Variants in ATP7B observed in about 807,000 individuals in gnomAD.
ATP7B encodes the protein copper-transporting ATPase 2.
In ATP7B, 113 loss-of-function variants were observed where a neutral mutation model predicts 118.9. That is an observed-to-expected ratio of 0.95 (90% CI 0.82 to 1.11). ATP7B has a LOEUF of 1.11. ATP7B is among the 50% of genes most tolerant of loss of function. ATP7B has a pLI of 0.00. For missense variants in ATP7B, 1,867 were observed against 1,871.4 expected, an observed-to-expected ratio of 1.00 and a Z score of 0.04; for synonymous variants, 777 against 727.4, an observed-to-expected ratio of 1.07 and a Z score of -1.10.
intron 5 of ATP7B, 160 bp downstream of exon 5, chr13:51,964,712 C>T: frequency 1.3e-6 from 1 of 778,074 alleles, no homozygotes; most frequent in South Asian, 1.9e-5. Context: ...ATTTACTTAC[C>T]TGCAGTTTAT....
rs1445951068 is a variant in ATP7B at position 51,975,005 on chromosome 13, CAT to C, written c.213_214del (p.Val73GlufsTer4). Reference sequence around the variant, plus strand: ...AATCCTGTCCTCAATGGACTTCACACATGACTGGCAAGTCATGCCCAAGATCC... The same window carrying C: ...AATCCTGTCCTCAATGGACTTCACACGACTGGCAAGTCATGCCCAAGATCC... On this transcript the variant is annotated frameshift_variant, in exon 2 of 21. Coordinates refer to ENST00000242839, the MANE Select transcript of ATP7B (RefSeq NM_000053.4). LOFTEE classifies it high-confidence loss of function. 6.2e-7 allele frequency: 1 copy of C among 1,614,232 alleles called. No individual in the cohort carries two copies. Among genetic ancestry groups the C allele is most frequent in the Non-Finnish European group, 8.5e-7 (1 of 1,180,054 alleles).
chr13:51,958,967 T>C, intron 7 of ATP7B: 1 of 226,892 alleles, frequency 4.4e-6, no homozygotes, highest in Non-Finnish European at 8.8e-6. Flanking sequence ...TCTTGTATGA[T>C]CCCATTTCAG....
intron 1 of ATP7B, among the ~76,000 whole-genome samples, chr13:52,008,023 C>G (rs1213775036): frequency 1.3e-5 from 2 of 151,652 alleles, no homozygotes; most frequent in Non-Finnish European, 2.9e-5. Context: ...TAAGAAAGCT[C>G]TATTTGTGAT....
chr13:52,009,953 GCA>G (rs562443415), intron 1 of ATP7B, among the ~76,000 whole-genome samples: 540 of 152,280 alleles, frequency 3.5e-3, no homozygotes, highest in Non-Finnish European at 6.8e-3. Flanking sequence ...ACAATGCCCA[GCA>G]CACAGTAAGC....
chr13:51,961,774 T>C (rs540986004), intron 6 of ATP7B, 63 bp downstream of exon 6: 305 of 1,508,536 alleles, frequency 2.0e-4, no homozygotes, highest in Non-Finnish European at 2.6e-4. Flanking sequence ...CTGGCAGAGT[T>C]GGGCCCAGGT....
At chr13:51,969,693 A>G (rs753650293) in intron 3 of ATP7B, among the ~76,000 whole-genome samples, 4 of 152,208 alleles carry the variant, frequency 2.6e-5, no homozygotes, top group Non-Finnish European at 4.4e-5. Flanking sequence ...ACAGAAACAT[A>G]GGCTATAGGA....
At position 51,961,887 on chromosome 13, in the gene ATP7B, G is replaced by T. The variant is rs752696791; in HGVS notation, c.1896C>A (p.Ala632=). 9 of 1,613,948 alleles carry T rather than the reference G, an allele frequency of 5.6e-6. No homozygotes were observed. The East Asian group carries it at 2.0e-4, about 36-fold the overall frequency. The change falls in exon 6 of 21, where the codon GCC becomes GCA. Residue 632 remains alanine (A), a synonymous_variant. Transcript: ENST00000242839. ...AGTGATGAGCGTTGGGGTTTCTCTGGGCCAGGGAAGCATGAAAGCCAATTT... is the reference window on the plus strand; with the variant it reads ...AGTGATGAGCGTTGGGGTTTCTCTGTGCCAGGGAAGCATGAAAGCCAATTT... The part of the protein sequence containing the change: ...IEEIGFHASL[A]QRNPNAHHLD...
intron 13 of ATP7B, among the ~76,000 whole-genome samples, chr13:51,945,753 C>T (rs568606361): frequency 1.2e-4 from 18 of 152,218 alleles, no homozygotes; most frequent in Non-Finnish European, 2.5e-4. Flanking sequence ...GCAGGGCTCA[C>T]ACGCAGTGAG....
In ATP7B at chr13:51,939,100, A is replaced by T. The variant is rs1366026966; in HGVS notation, c.3650T>A (p.Val1217Asp). 1 of 1,614,054 alleles carries T rather than the reference A, an allele frequency of 6.2e-7. No individual in the cohort carries two copies. Among genetic ancestry groups the T allele is most frequent in the Non-Finnish European group, 8.5e-7 (1 of 1,180,008 alleles). ...CTTCCGGTTGTCCCCCGTGATCAGA[A>T]CCACGTCCACACCCATGCTCTGCAG... is the stretch of plus-strand genomic sequence containing the variant. ...HTLQSMGVDVVLITGDNRKTA... is the reference protein window; with the variant it reads ...HTLQSMGVDVDLITGDNRKTA... The change falls in exon 17 of 21, where the codon GTT becomes GAT. Residue 1217 changes from valine to aspartate, a missense_variant. Coordinates refer to ENST00000242839, the MANE Select transcript of ATP7B (RefSeq NM_000053.4).
chr13:51,986,807 A>G (rs144131195), intron 1 of ATP7B, among the ~76,000 whole-genome samples: 1,855 of 152,326 alleles, frequency 0.012, 40 homozygotes, highest in African/African-American at 0.043. Context: ...AACAGAACCA[A>G]TGACAAAAAC....
In ATP7B at chr13:51,974,240, A is replaced by G; in HGVS notation, c.980T>C (p.Leu327Pro). ...CCCACTCCCTTCGGCTCCATCAGGAAGAGAAACTTTAAAATTCCCAGGTGG... is the reference window on the plus strand; with the variant it reads ...CCCACTCCCTTCGGCTCCATCAGGAGGAGAAACTTTAAAATTCCCAGGTGG... ...ALPPGNFKVS[L>P]PDGAEGSGTD... is the part of the protein sequence containing the mutation. The change falls in exon 2 of 21, where the codon CTT becomes CCT. Residue 327 changes from leucine (L) to proline (P), a missense_variant. Coordinates refer to ENST00000242839, the MANE Select transcript of ATP7B (RefSeq NM_000053.4). 1.2e-6 allele frequency: 2 copies of G among 1,614,130 alleles called. No homozygotes were observed. Among genetic ancestry groups the G allele is most frequent in the Non-Finnish European group, 1.7e-6 (2 of 1,180,016 alleles).
chr13:51,970,754 G>C lies in ATP7B; in HGVS notation c.1286-5C>G. ...GAGGGTTAGTAGAACAGCTTTCTAG[G>C]ATAAAATGTCAGAAAATATTCAAAT... On this transcript the variant is annotated splice_polypyrimidine_tract_variant and splice_region_variant and intron_variant, in intron 2 of 20. Coordinates refer to ENST00000242839, the MANE Select transcript of ATP7B (RefSeq NM_000053.4). The C allele has an allele frequency of 6.2e-7, 1 of 1,613,268 alleles. No individual in the cohort carries two copies. Among genetic ancestry groups the C allele is most frequent in the Non-Finnish European group, 8.5e-7 (1 of 1,179,326 alleles).
intron 3 of ATP7B, among the ~76,000 whole-genome samples, chr13:51,968,856 CTTTT>C (rs1951700862): frequency 7.3e-6 from 1 of 137,570 alleles, no homozygotes; most frequent in Admixed American, 8.2e-5. Flanking sequence ...ATCTTTTTTT[CTTTT>C]TTCTTTTTTT....
chr13:51,968,603 A>G lies in ATP7B; in HGVS notation c.1548T>C (p.Val516=), dbSNP rs1593766763. 1 of 1,614,094 alleles carries G rather than the reference A, an allele frequency of 6.2e-7. No homozygotes were observed. The highest frequency in any genetic ancestry group is 8.5e-7 in the Non-Finnish European group (1 of 1,180,018). The change falls in exon 4 of 21, where the codon GTT becomes GTC. Residue 516 remains valine (V), a synonymous_variant. Transcript: ENST00000242839. ...IERNLQKEAG[V]LSVLVALMAG... The stretch of plus-strand genomic sequence containing the variant: ...CCATCAAGGCAACCAACACGGAGAG[A>G]ACACCTGGAACCATCAGGTCATGGC...
At chr13:52,012,082 G>C (rs1954056486), upstream of ATP7B, 1 of 503,474 alleles carries the variant, frequency 2.0e-6, no homozygotes, top group Admixed American at 3.3e-5. Flanking sequence ...GGCGGGCTTT[G>C]GGCCGGGAAC....
At chr13:52,002,807 T>C (rs1219464336) in intron 1 of ATP7B, among the ~76,000 whole-genome samples, 2 of 152,182 alleles carry the variant, frequency 1.3e-5, no homozygotes, top group African/African-American at 4.8e-5. Context: ...ATAAAAGTTA[T>C]GTTTACACTA....
intron 4 of ATP7B, among the ~76,000 whole-genome samples, chr13:51,965,529 C>G (rs535582152): frequency 2.0e-5 from 3 of 152,250 alleles, no homozygotes; most frequent in South Asian, 2.1e-4. Context: ...GATGTTAATA[C>G]CTCTTATTAA....
At chr13:52,002,389 G>A (rs910770587) in intron 1 of ATP7B, among the ~76,000 whole-genome samples, 6 of 148,468 alleles carry the variant, frequency 4.0e-5, no homozygotes, top group African/African-American at 7.5e-5. Flanking sequence ...TGGTGAAACC[G>A]TGTCTCTAAA....
upstream of ATP7B, chr13:52,011,527 G>T (rs1042034684): frequency 2.8e-6 from 2 of 701,774 alleles, no homozygotes; most frequent in Non-Finnish European, 2.5e-6. Flanking sequence ...GGAAGCCGCA[G>T]CCCTCTTCAC....
Sources: allele counts gnomAD v4.1 joint callset (sites outside exome capture counted in the v4.1 genomes callset), GRCh38; gene constraint gnomAD v4.1.1; transcripts MANE v1.5; gene names NCBI Gene and HGNC (gene_info 2026-07-23, HGNC 2026-07-21).